Variants in TRPM3 observed in about 807,000 individuals in gnomAD.
TRPM3 encodes the protein long transient receptor potential channel 3.
TRPM3 carries 77 observed loss-of-function variants against 181.2 expected under a neutral mutation model. The observed-to-expected ratio is 0.42, with a 90% CI of 0.35 to 0.51. TRPM3 has a LOEUF of 0.51. TRPM3 is among the 20% of genes least tolerant of loss of function. The probability of loss-of-function intolerance (pLI) is 0.01; values close to 1 mark genes in which losing one functional copy is unlikely to be tolerated. For synonymous variants in TRPM3, 745 were observed against 796.4 expected (o/e 0.94, Z 1.09); for missense variants, 1,759 against 2,196.7 (o/e 0.80, Z 3.98).
In TRPM3 at chr9:70,620,284, T is replaced by A; in HGVS notation, c.1921A>T (p.Ile641Phe). The change falls in exon 16 of 26, where the codon ATC becomes TTC. Residue 641 changes from isoleucine to phenylalanine, a missense_variant. Ile to Phe is a conservative substitution (Grantham distance 21, BLOSUM62 0). This residue lies in a region of TRPM3 where 737 missense variants were observed against 957.4 expected (regional missense o/e 0.77). Transcript: ENST00000677713. ...TGGAAAGGGAAGGGGAAGTGGTTGATCTCAGGATCATCCAAGTCAATGTCC... is the reference window on the plus strand; with the variant it reads ...TGGAAAGGGAAGGGGAAGTGGTTGAACTCAGGATCATCCAAGTCAATGTCC... ...EVDIDLDDPE[I>F]NHFPFPFHEL... is the part of the protein sequence containing the mutation. 1 of 1,614,204 alleles carries A rather than the reference T, an allele frequency of 6.2e-7. No homozygotes were observed. The highest frequency in any genetic ancestry group is 8.5e-7 in the Non-Finnish European group (1 of 1,180,036).
chr9:70,868,343 T>C (rs2095701175), intron 1 of TRPM3, among the ~76,000 whole-genome samples: 1 of 152,046 alleles, frequency 6.6e-6, no homozygotes, highest in African/African-American at 2.4e-5. Context: ...TTGAACAAAG[T>C]ATAATGATTA....
chr9:71,238,824 T>C (rs1462636511), intron 1 of TRPM3, among the ~76,000 whole-genome samples: 1 of 152,152 alleles, frequency 6.6e-6, no homozygotes, highest in African/African-American at 2.4e-5. Flanking sequence ...GGAAGGCATT[T>C]GAGCTTTCTC....
At chr9:70,808,579 T>C (rs1441532716) in intron 6 of TRPM3, among the ~76,000 whole-genome samples, 1 of 152,212 alleles carries the variant, frequency 6.6e-6, no homozygotes, top group African/African-American at 2.4e-5. Flanking sequence ...TTAACAAGCA[T>C]GACAAATATT....
intron 3 of TRPM3, among the ~76,000 whole-genome samples, chr9:70,847,517 C>T (rs1283062632): frequency 9.8e-6 from 1 of 102,298 alleles, no homozygotes; most frequent in Non-Finnish European, 2.2e-5. Flanking sequence ...AGTGTCTTTC[C>T]TAAACCCTGG....
intron 1 of TRPM3, among the ~76,000 whole-genome samples, chr9:71,168,430 G>A (rs2076640867): frequency 6.6e-6 from 1 of 150,954 alleles, no homozygotes; most frequent in Non-Finnish European, 1.5e-5. Context: ...GAATTACTGA[G>A]AGTTTAAATC....
At chr9:70,635,088 T>C in intron 12 of TRPM3, 123 bp downstream of exon 12, 1 of 733,692 alleles carries the variant, frequency 1.4e-6, no homozygotes, top group Non-Finnish European at 2.3e-6. Flanking sequence ...CACACTGTTC[T>C]GAAATGAGTG....
chr9:70,768,641 C>T (rs2135401943), intron 7 of TRPM3, among the ~76,000 whole-genome samples: 1 of 151,948 alleles, frequency 6.6e-6, no homozygotes, highest in Non-Finnish European at 1.5e-5. Context: ...AATGATTGGG[C>T]CAGGTGTGGT....
chr9:71,413,280 TTTA>T (rs1196875119), intron 1 of TRPM3, among the ~76,000 whole-genome samples: 1 of 152,020 alleles, frequency 6.6e-6, no homozygotes, highest in African/African-American at 2.4e-5. Flanking sequence ...ATAACTCATA[TTTA>T]TTGAGTATTT....
chr9:70,840,122 T>A (rs932915108), intron 5 of TRPM3, among the ~76,000 whole-genome samples: 1 of 152,180 alleles, frequency 6.6e-6, no homozygotes, highest in Non-Finnish European at 1.5e-5. Context: ...AGTGAACACA[T>A]AGAAAAATTT....
intron 1 of TRPM3, among the ~76,000 whole-genome samples, chr9:71,234,429 G>A (rs920519585): frequency 2.6e-4 from 39 of 152,182 alleles, no homozygotes; most frequent in African/African-American, 9.4e-4. Flanking sequence ...ATATGTATTA[G>A]TATGCTAGTG....
At chr9:71,425,089 C>T (rs1043172205) in intron 1 of TRPM3, among the ~76,000 whole-genome samples, 49 of 148,732 alleles carry the variant, frequency 3.3e-4, no homozygotes, top group African/African-American at 1.2e-3. Context: ...AATATCATTA[C>T]CTACATATGT....
chr9:71,378,189 T>C (rs1483598854), intron 1 of TRPM3, among the ~76,000 whole-genome samples: 1 of 151,952 alleles, frequency 6.6e-6, no homozygotes, highest in Non-Finnish European at 1.5e-5. Context: ...GATACGCAAA[T>C]AGTCAAACAG....
intron 1 of TRPM3, among the ~76,000 whole-genome samples, chr9:71,181,187 C>G: frequency 6.6e-6 from 1 of 151,998 alleles, no homozygotes; most frequent in East Asian, 1.9e-4. Flanking sequence ...CACACTCACT[C>G]GCCATTTGAA....
At position 70,848,963 on chromosome 9, in the gene TRPM3, C is replaced by T. The variant is rs1175285258; in HGVS notation, c.463-2372G>A. Among the ~76,000 whole-genome samples the T allele has an allele frequency of 2.1e-3, 270 of 126,600 alleles. 50 individuals carry two copies. The highest frequency in any genetic ancestry group is 7.7e-3 in the African/African-American group (250 of 32,654). 83.1% of individuals were successfully genotyped at this position (126,600 alleles called of 152,430 possible). A position where few individuals can be genotyped will look rare whatever the true frequency, so the allele number is the denominator to read the frequency against. On this transcript the variant is annotated intron_variant, in intron 3 of 25. Coordinates refer to ENST00000677713, the MANE Select transcript of TRPM3 (RefSeq NM_001366145.2). ...CTGCACTCCAGCCTGGGCGACAGAG[C>T]GAGACTCCGTCTCAAAAAAAAAAAA...
intron 9 of TRPM3, among the ~76,000 whole-genome samples, chr9:70,672,072 T>C (rs1445001564): frequency 5.3e-5 from 8 of 152,080 alleles, no homozygotes; most frequent in Non-Finnish European, 1.0e-4. Context: ...GTGTATTTCT[T>C]TTAGTTGCTT....
chr9:70,837,336 A>G (rs751565216), intron 5 of TRPM3, among the ~76,000 whole-genome samples: 1 of 152,220 alleles, frequency 6.6e-6, no homozygotes, highest in Admixed American at 6.5e-5. Context: ...GCACTTTCCA[A>G]TTAAACATAA....
At chr9:70,948,759 A>G (rs1379412026) in intron 1 of TRPM3, among the ~76,000 whole-genome samples, 1 of 152,206 alleles carries the variant, frequency 6.6e-6, no homozygotes. Context: ...GGTAGTCTTT[A>G]GCTTCCCAAG....
At chr9:71,261,998 G>A (rs1440499768) in intron 1 of TRPM3, among the ~76,000 whole-genome samples, 2 of 152,210 alleles carry the variant, frequency 1.3e-5, no homozygotes, top group African/African-American at 4.8e-5. Flanking sequence ...CCCACTTGAG[G>A]AGGCAGTCTG....
At chr9:70,646,959 C>T (rs2058965799) in intron 9 of TRPM3, among the ~76,000 whole-genome samples, 2 of 151,070 alleles carry the variant, frequency 1.3e-5, no homozygotes, top group South Asian at 2.1e-4. Flanking sequence ...TGATAAATTC[C>T]TTGTAACATA....
Sources: gnomAD v4.1 joint callset for allele counts (sites outside exome capture counted in the v4.1 genomes callset) on GRCh38, gnomAD v4.1.1 for gene constraint, gnomAD v4.1.1 regional missense constraint, MANE v1.5 for transcripts, NCBI Gene and HGNC (gene_info 2026-07-23, HGNC 2026-07-21) for gene names.